The following ZNF777 variants were observed in gnomAD, a reference collection of about 807,000 sequenced individuals.
ZNF777 encodes zinc finger protein 777.
A neutral mutation model predicts 72.1 loss-of-function variants in ZNF777; 7 were observed. That is an observed-to-expected ratio of 0.10 (90% CI 0.06 to 0.18). The LOEUF (loss-of-function observed/expected upper bound fraction) is 0.18, where lower values mean the gene tolerates loss of function less well. Among genes scored for constraint, ZNF777 ranks in the 10% least tolerant of loss-of-function variants. The pLI, the probability that ZNF777 is intolerant of heterozygous loss-of-function variation, is 1.00. For synonymous variants in ZNF777, 545 were observed against 483.5 expected (o/e 1.13, Z -1.67); for missense variants, 828 against 1,128.6 (o/e 0.73, Z 3.82).
chr7:149,445,395 G>A lies in ZNF777; in HGVS notation c.1087+5604C>T, dbSNP rs566371120. On this transcript the variant is annotated intron_variant, in intron 4 of 5. Coordinates refer to ENST00000247930, the MANE Select transcript of ZNF777 (RefSeq NM_015694.3). ...TGTCTTCTCATTCTTGGTTGTCCCC[G>A]GAGACTTAAAAGGGGACACTCAAGA... 1.5e-3 allele frequency among the ~76,000 whole-genome samples: 231 copies of A among 152,162 alleles called. 1 individual carries two copies. Among genetic ancestry groups the A allele is most frequent in the Non-Finnish European group, 2.7e-3 (184 of 68,012 alleles).
At chr7:149,442,653 A>G (rs1210777162) in intron 4 of ZNF777, among the ~76,000 whole-genome samples, 1 of 152,082 alleles carries the variant, frequency 6.6e-6, no homozygotes, top group African/African-American at 2.4e-5. Context: ...AAACTAGGAA[A>G]AGTATTCACA....
chr7:149,454,920 T>C (rs1454721276), intron 2 of ZNF777, among the ~76,000 whole-genome samples: 2 of 152,338 alleles, frequency 1.3e-5, no homozygotes, highest in Admixed American at 6.5e-5. Flanking sequence ...TCGCTTTGCC[T>C]TCGTAGTCTC....
Position 149,454,247 on chromosome 7 carries a change from C to T in ZNF777, c.847-10G>A, listed in dbSNP as rs772176923. The T allele has an allele frequency of 6.2e-7, 1 of 1,613,964 alleles. No individual in the cohort carries two copies. The highest frequency in any genetic ancestry group is 1.1e-5 in the South Asian group (1 of 91,084). On this transcript the variant is annotated splice_polypyrimidine_tract_variant and intron_variant, in intron 2 of 5. Coordinates refer to ENST00000247930, the MANE Select transcript of ZNF777 (RefSeq NM_015694.3). ...CAAATGTGACAGGGACCTGAAACCA[C>T]ACAATAACTCGGCTCAGACCCGCTG...
At chr7:149,448,584 T>TATATA (rs1364483311) in intron 4 of ZNF777, among the ~76,000 whole-genome samples, 1 of 18,868 alleles carries the variant, frequency 5.3e-5, no homozygotes, top group Non-Finnish European at 8.4e-5. Flanking sequence ...TATAACTATA[T>TATATA]ATATATATAT....
Position 149,455,892 on chromosome 7 carries a change from G to A in ZNF777, c.131C>T (p.Pro44Leu). Residue 44 changes from proline to leucine, a missense_variant, in exon 2 of 6, where the codon CCT becomes CTT. By Grantham distance (98) the Pro-to-Leu change is moderately conservative. This residue lies in a region of ZNF777 where 222 missense variants were observed against 211.2 expected (regional missense o/e 1.05). Transcript: ENST00000247930. The surrounding 1 kb of genome is among the most constrained non-coding windows in gnomAD (Gnocchi z 4.2). Reference sequence around the variant, plus strand: ...ACGGGGAATGGTGGGAGACAAAGAAGGAATTTCTTTGGGAGGAAGAACGCG... The same window carrying A: ...ACGGGGAATGGTGGGAGACAAAGAAAGAATTTCTTTGGGAGGAAGAACGCG... ...QSRVLPPKEI[P>L]SLSPTIPRQG... The A allele has an allele frequency of 6.2e-7, 1 of 1,613,902 alleles. No individual in the cohort carries two copies. The highest frequency in any genetic ancestry group is 8.5e-7 in the Non-Finnish European group (1 of 1,179,986).
intron 3 of ZNF777, among the ~76,000 whole-genome samples, chr7:149,451,392 G>A (rs966924882): frequency 1.3e-5 from 2 of 152,028 alleles, no homozygotes; most frequent in African/African-American, 4.8e-5. Context: ...AATTTTGTAA[G>A]GTAAAAAACT....
rs1341355288 is a variant in ZNF777, at chr7:149,451,227, A to G, written c.974-115T>C. On this transcript the variant is annotated intron_variant, in intron 3 of 5. Coordinates refer to ENST00000247930, the MANE Select transcript of ZNF777 (RefSeq NM_015694.3). ...AGCAGCTCCTCGACTGGAGACCACA[A>G]TGGAAAACCGCCAAGTCTCCCCTTC... is the stretch of plus-strand genomic sequence containing the variant. 7.8e-6 allele frequency: 7 copies of G among 896,046 alleles called. No homozygotes were observed. The East Asian group carries it at 1.3e-4, about 17-fold the overall frequency. 55.5% of individuals were successfully genotyped at this position (896,046 alleles called of 1,614,324 possible). A position where few individuals can be genotyped will look rare whatever the true frequency, so the allele number is the denominator to read the frequency against.
intron 1 of ZNF777, 126 bp from the exon 2 acceptor site, chr7:149,456,163 T>TA (rs1188066736): frequency 1.0e-6 from 1 of 990,430 alleles, no homozygotes; most frequent in Non-Finnish European, 1.4e-6. Context: ...GTGCCCCTCA[T>TA]ATGTGAATCT....
At position 149,431,512 on chromosome 7, in the gene ZNF777, C is replaced by T. The variant is rs921185394; in HGVS notation, c.*264G>A. 2.0e-5 allele frequency: 9 copies of T among 454,026 alleles called. No individual in the cohort carries two copies. Among genetic ancestry groups the T allele is most frequent in the African/African-American group, 1.8e-4 (9 of 49,882 alleles). The allele number at this position is 454,026 out of a possible 1,614,324, so 28.1% of individuals were successfully genotyped here. A position where few individuals can be genotyped will look rare whatever the true frequency, so the allele number is the denominator to read the frequency against. ...GCCCCCCGTGCTGATTGGTTTCATC[C>T]ATTTTATTGTCAAGGAAATTAACAG... is the stretch of plus-strand genomic sequence containing the variant. On this transcript the variant is annotated 3_prime_UTR_variant, in exon 6 of 6. Coordinates refer to ENST00000247930, the MANE Select transcript of ZNF777 (RefSeq NM_015694.3).
At position 149,455,737 on chromosome 7, in the gene ZNF777, G is replaced by C. The variant is rs76797088; in HGVS notation, c.286C>G (p.Pro96Ala). ...TGGGTCCCTTCCTGGGAAGCCAGGG[G>C]GCCCTGGAGAGAAGTCTCTTGCTCA... ...ASEQETSLQGPLASQEGTQYP... is the reference protein window; with the variant it reads ...ASEQETSLQGALASQEGTQYP... Residue 96 changes from proline to alanine, a missense_variant, in exon 2 of 6, where the codon CCC becomes GCC. Transcript: ENST00000247930. This position sits in a 1 kb window ranked among gnomAD's most constrained non-coding sequence, Gnocchi z 4.2. 5,010 of 1,583,454 alleles carry C rather than the reference G, an allele frequency of 3.2e-3. 154 individuals are homozygous for C. In the African/African-American group the frequency reaches 0.06, roughly 19 times the overall value.
chr7:149,434,713 G>C (rs1331682309), intron 5 of ZNF777, among the ~76,000 whole-genome samples: 5 of 152,078 alleles, frequency 3.3e-5, no homozygotes, highest in Non-Finnish European at 7.4e-5. Flanking sequence ...CTCCCGAGTA[G>C]CTGGGATTAC....
intron 5 of ZNF777, among the ~76,000 whole-genome samples, chr7:149,434,732 G>A (rs1799383493): frequency 6.6e-6 from 1 of 152,024 alleles, no homozygotes; most frequent in Non-Finnish European, 1.5e-5. Context: ...ACAGGTGCCT[G>A]CTACCATGCC....
rs1799932267 is a variant in ZNF777 at position 149,460,663 on chromosome 7, C to A, written c.-16+152G>T. On this transcript the variant is annotated intron_variant, in intron 1 of 5. Transcript: ENST00000247930. The surrounding 1 kb of genome is among the most constrained non-coding windows in gnomAD (Gnocchi z 6.1). Reference sequence around the variant, plus strand: ...GAGGCTCGTCGGAGGCTGCCGGAACCCAGACAGCTCCATCTACAGCCGGTA... The same window carrying A: ...GAGGCTCGTCGGAGGCTGCCGGAACACAGACAGCTCCATCTACAGCCGGTA... Among the ~76,000 whole-genome samples, 1 of 152,070 alleles carries A rather than the reference C, an allele frequency of 6.6e-6. No homozygotes were observed. The highest frequency in any genetic ancestry group is 2.1e-4 in the South Asian group (1 of 4,824).
At chr7:149,456,659 C>G (rs1361509850) in intron 1 of ZNF777, among the ~76,000 whole-genome samples, 1 of 152,236 alleles carries the variant, frequency 6.6e-6, no homozygotes, top group African/African-American at 2.4e-5. Flanking sequence ...ACCACCACTT[C>G]TACCAGCATT....
intron 2 of ZNF777, among the ~76,000 whole-genome samples, 169 bp from the exon 3 acceptor site, chr7:149,454,406 C>T (rs1799781729): frequency 6.6e-6 from 1 of 152,238 alleles, no homozygotes; most frequent in African/African-American, 2.4e-5. Context: ...TTGTCGGATC[C>T]TTTTCCTCCC....
Position 149,455,332 on chromosome 7 carries a change from C to A in ZNF777, c.691G>T (p.Ala231Ser). Residue 231 changes from alanine to serine, a missense_variant, in exon 2 of 6, where the codon GCG becomes TCG. Physicochemically the swap from Ala to Ser is moderately conservative, Grantham distance 99. Around this residue, in one of 12 missense-constraint regions of ZNF777, gnomAD observed 76 missense variants for 157.3 expected, o/e 0.48. Coordinates refer to ENST00000247930, the MANE Select transcript of ZNF777 (RefSeq NM_015694.3). This position sits in a 1 kb window ranked among gnomAD's most constrained non-coding sequence, Gnocchi z 4.2. Reference sequence around the variant, plus strand: ...ACCCACTTGCTCTCCAGATGGTTCGCGAACTCCACGGCTGTCTTCTCGCAG... The same window carrying A: ...ACCCACTTGCTCTCCAGATGGTTCGAGAACTCCACGGCTGTCTTCTCGCAG... ...ADCEKTAVEF[A>S]NHLESKWVVL... 6.2e-7 allele frequency: 1 copy of A among 1,614,222 alleles called. No individual in the cohort carries two copies. Among genetic ancestry groups the A allele is most frequent in the Non-Finnish European group, 8.5e-7 (1 of 1,180,048 alleles).
chr7:149,442,839 T>G (rs1191852656), intron 4 of ZNF777, among the ~76,000 whole-genome samples: 1 of 152,110 alleles, frequency 6.6e-6, no homozygotes, highest in Admixed American at 6.6e-5. Context: ...TTATGGAAAG[T>G]CAAATAAAAA....
In ZNF777 at chr7:149,455,330, C is replaced by A; in HGVS notation, c.693G>T (p.Ala231=). The A allele has an allele frequency of 6.2e-7, 1 of 1,614,196 alleles. No individual in the cohort carries two copies. Residue 231 remains alanine (A), a synonymous_variant, in exon 2 of 6, where the codon GCG becomes GCT. Transcript: ENST00000247930. This position sits in a 1 kb window ranked among gnomAD's most constrained non-coding sequence, Gnocchi z 4.2. The part of the protein sequence containing the change: ...ADCEKTAVEF[A]NHLESKWVVL... ...CGACCCACTTGCTCTCCAGATGGTT[C>A]GCGAACTCCACGGCTGTCTTCTCGC... is the stretch of plus-strand genomic sequence containing the variant.
At chr7:149,441,276 G>A (rs1464817500) in intron 4 of ZNF777, among the ~76,000 whole-genome samples, 1 of 152,152 alleles carries the variant, frequency 6.6e-6, no homozygotes, top group East Asian at 1.9e-4. Flanking sequence ...CAATCCAGTG[G>A]GGAAGAGTTT....
Sources: gnomAD v4.1 joint callset for allele counts (sites outside exome capture counted in the v4.1 genomes callset) on GRCh38, gnomAD v4.1.1 for gene constraint, gnomAD v4.1.1 regional missense constraint, Gnocchi (gnomAD v3.1) non-coding constraint, MANE v1.5 for transcripts, NCBI Gene and HGNC (gene_info 2026-07-23, HGNC 2026-07-21) for gene names.